The following NKAIN2 variants were observed in gnomAD, a reference collection of about 807,000 sequenced individuals.
NKAIN2 encodes sodium/potassium-transporting ATPase subunit beta-1-interacting protein 2.
Under a neutral mutation model 32.6 loss-of-function variants are expected in NKAIN2, and 14 were observed. The ratio of observed to expected loss-of-function variants is 0.43; its 90% CI spans 0.28 to 0.67. The LOEUF (loss-of-function observed/expected upper bound fraction) is 0.67, where lower values mean the gene tolerates loss of function less well. Ranked by LOEUF, NKAIN2 falls within the 30% of genes least tolerant of loss-of-function variation. The pLI, the probability that NKAIN2 is intolerant of heterozygous loss-of-function variation, is 0.17. For missense variants in NKAIN2, 198 were observed against 258.3 expected, an observed-to-expected ratio of 0.77 and a Z score of 1.60; for synonymous variants, 80 against 87.2, an observed-to-expected ratio of 0.92 and a Z score of 0.46.
At chr6:124,003,042 T>G (rs1202264032) in intron 1 of NKAIN2, among the ~76,000 whole-genome samples, 1 of 152,178 alleles carries the variant, frequency 6.6e-6, no homozygotes, top group Non-Finnish European at 1.5e-5. Context: ...TCCCTTTCAT[T>G]CCTCAGAAGA....
At chr6:123,885,906 C>G (rs1399729161) in intron 1 of NKAIN2, among the ~76,000 whole-genome samples, 1 of 141,922 alleles carries the variant, frequency 7.0e-6, no homozygotes, top group African/African-American at 2.6e-5. Context: ...TGACACCAGC[C>G]AATGAGGAAT....
intron 2 of NKAIN2, among the ~76,000 whole-genome samples, chr6:124,336,669 TTTTTTTTTGTTTG>T (rs1233380307): frequency 7.1e-6 from 1 of 140,680 alleles, no homozygotes; most frequent in Middle Eastern, 3.6e-3. Flanking sequence ...AAATAGTTTG[TTTTTTTTTGTTTG>T]TTTTTTTTTT....
rs147668424 is a variant in NKAIN2, at chr6:124,758,010, A to G, written c.475-33329A>G. On this transcript the variant is annotated intron_variant, in intron 4 of 6. Coordinates refer to ENST00000368417, the MANE Select transcript of NKAIN2 (RefSeq NM_001040214.3). Reference sequence around the variant, plus strand: ...GAACAAAGTTGTGAATACTTACAGTATCTGACTTCCTTTTTGTAGGCATTC... The same window carrying G: ...GAACAAAGTTGTGAATACTTACAGTGTCTGACTTCCTTTTTGTAGGCATTC... Among the ~76,000 whole-genome samples the G allele has an allele frequency of 6.8e-3, 1,030 of 152,318 alleles. 44 individuals are homozygous for G. Among genetic ancestry groups the G allele is most frequent in the Admixed American group, 0.058 (883 of 15,288 alleles).
intron 1 of NKAIN2, among the ~76,000 whole-genome samples, chr6:123,902,780 AAATACGTGAT>A (rs767843807): frequency 2.6e-5 from 4 of 152,218 alleles, no homozygotes; most frequent in Non-Finnish European, 4.4e-5. Context: ...TAAATTATAA[AAATACGTGAT>A]AAACAAAACC....
At chr6:124,253,197 G>A (rs1793764391) in intron 1 of NKAIN2, among the ~76,000 whole-genome samples, 1 of 152,044 alleles carries the variant, frequency 6.6e-6, no homozygotes, top group African/African-American at 2.4e-5. Flanking sequence ...ATTTCAGTGT[G>A]GAAGCCTTGC....
In NKAIN2 at chr6:124,332,158, G is replaced by C. The variant is rs9401730; in HGVS notation, c.193-23109G>C. Among the ~76,000 whole-genome samples the C allele has an allele frequency of 9.5e-3, 1,445 of 152,006 alleles. 51 individuals carry two copies. The highest frequency in any genetic ancestry group is 0.086 in the East Asian group (443 of 5,132). Reference sequence around the variant, plus strand: ...AACTGCAAATAAAATACCTGTCAACGAAGTATGTTCTTGAAAATCCACTTG... The same window carrying C: ...AACTGCAAATAAAATACCTGTCAACCAAGTATGTTCTTGAAAATCCACTTG... On this transcript the variant is annotated intron_variant, in intron 2 of 6. Coordinates refer to ENST00000368417, the MANE Select transcript of NKAIN2 (RefSeq NM_001040214.3).
At chr6:123,926,063 A>G (rs991858434) in intron 1 of NKAIN2, among the ~76,000 whole-genome samples, 1 of 152,148 alleles carries the variant, frequency 6.6e-6, no homozygotes, top group African/African-American at 2.4e-5. Flanking sequence ...TCTCTTGTCT[A>G]AAGGCACTAA....
intron 1 of NKAIN2, among the ~76,000 whole-genome samples, chr6:123,883,196 G>C (rs1773531647): frequency 6.6e-6 from 1 of 152,048 alleles, no homozygotes; most frequent in African/African-American, 2.4e-5. Context: ...CCAGGCTGGA[G>C]TACAGTGGCG....
intron 1 of NKAIN2, among the ~76,000 whole-genome samples, chr6:124,160,774 T>A (rs1036708864): frequency 8.5e-5 from 13 of 152,112 alleles, no homozygotes; most frequent in Admixed American, 3.9e-4. Context: ...ATGTTTTAAT[T>A]TTTTTAGAAT....
At chr6:124,240,784 A>G (rs1330661339) in intron 1 of NKAIN2, among the ~76,000 whole-genome samples, 1 of 152,200 alleles carries the variant, frequency 6.6e-6, no homozygotes, top group Non-Finnish European at 1.5e-5. Flanking sequence ...CACAGCCAGT[A>G]TCATATTGAA....
At chr6:124,374,901 C>T (rs1799917262) in intron 3 of NKAIN2, among the ~76,000 whole-genome samples, 1 of 152,054 alleles carries the variant, frequency 6.6e-6, no homozygotes, top group Non-Finnish European at 1.5e-5. Flanking sequence ...GAATTTAACA[C>T]AATGGCATGC....
In NKAIN2 at chr6:124,519,144, C is replaced by G. The variant is rs143375454; in HGVS notation, c.274-139042C>G. 4.1e-3 allele frequency among the ~76,000 whole-genome samples: 622 copies of G among 152,200 alleles called. 9 individuals carry two copies. The highest frequency in any genetic ancestry group is 0.014 in the African/African-American group (595 of 41,526). On this transcript the variant is annotated intron_variant, in intron 3 of 6. Transcript: ENST00000368417. Reference sequence around the variant, plus strand: ...AGATCAGTTAGAAAAAATCAGGAAACTCGTTCCATTTCTTGTTCAAAATTA... The same window carrying G: ...AGATCAGTTAGAAAAAATCAGGAAAGTCGTTCCATTTCTTGTTCAAAATTA...
chr6:124,148,206 G>A (rs1397698252), intron 1 of NKAIN2, among the ~76,000 whole-genome samples: 6 of 151,904 alleles, frequency 3.9e-5, no homozygotes. Context: ...TAGAGAGTTT[G>A]CACTTTTGTG....
chr6:124,248,201 T>C (rs1184540601), intron 1 of NKAIN2, among the ~76,000 whole-genome samples: 2 of 152,066 alleles, frequency 1.3e-5, no homozygotes, highest in African/African-American at 4.8e-5. Flanking sequence ...AGATTAGGGT[T>C]CTGAGACCAT....
intron 1 of NKAIN2, among the ~76,000 whole-genome samples, chr6:124,126,071 C>G (rs1336943239): frequency 3.3e-5 from 5 of 152,060 alleles, no homozygotes; most frequent in Non-Finnish European, 7.4e-5. Flanking sequence ...TCTCCCTGAC[C>G]CACTGCCCTT....
intron 1 of NKAIN2, among the ~76,000 whole-genome samples, chr6:124,050,325 T>C (rs1782344887): frequency 6.6e-6 from 1 of 152,016 alleles, no homozygotes; most frequent in African/African-American, 2.4e-5. Context: ...GTCTGACTGG[T>C]CAAAGCGTTG....
intron 3 of NKAIN2, among the ~76,000 whole-genome samples, chr6:124,448,204 C>T (rs1775970869): frequency 6.6e-6 from 1 of 152,068 alleles, no homozygotes. Flanking sequence ...TGGGATGAAT[C>T]TCCTTTAATT....
chr6:124,112,099 C>G (rs1785412961), intron 1 of NKAIN2, among the ~76,000 whole-genome samples: 1 of 152,008 alleles, frequency 6.6e-6, no homozygotes, highest in Non-Finnish European at 1.5e-5. Context: ...TACCCACCAC[C>G]ATTACAATAA....
intron 4 of NKAIN2, among the ~76,000 whole-genome samples, chr6:124,741,000 A>G (rs1777180666): frequency 6.6e-6 from 1 of 151,778 alleles, no homozygotes; most frequent in South Asian, 2.1e-4. Context: ...AGCAGAAAAA[A>G]CAGAAAAAAT....
Sources: allele counts gnomAD v4.1 joint callset (sites outside exome capture counted in the v4.1 genomes callset), GRCh38; gene constraint gnomAD v4.1.1; transcripts MANE v1.5; gene names NCBI Gene and HGNC (gene_info 2026-07-23, HGNC 2026-07-21).